KRTCAP3: variants seen among roughly 807,000 people sequenced by gnomAD.
KRTCAP3 encodes the protein keratinocyte associated protein 3.
A neutral mutation model predicts 20.5 loss-of-function variants in KRTCAP3; 18 were observed. The ratio of observed to expected loss-of-function variants is 0.88; its 90% CI spans 0.61 to 1.31. The LOEUF (loss-of-function observed/expected upper bound fraction) is 1.31. Ranked by LOEUF, KRTCAP3 falls within the 50% of genes most tolerant of loss-of-function variation. The probability of loss-of-function intolerance (pLI) is 0.00; values close to 1 mark genes in which losing one functional copy is unlikely to be tolerated. For missense variants in KRTCAP3, 347 were observed against 310.4 expected, an observed-to-expected ratio of 1.12 and a Z score of -0.89; for synonymous variants, 167 against 133.7, an observed-to-expected ratio of 1.25 and a Z score of -1.72.
At chr2:27,444,630 T>C (rs1664864802), downstream of KRTCAP3, 1 of 812,370 alleles carries the variant, frequency 1.2e-6, no homozygotes, top group African/African-American at 2.0e-5. Flanking sequence ...ATCCCACCCA[T>C]CTTTCTAGTG....
downstream of KRTCAP3, chr2:27,446,166 C>A: frequency 7.3e-7 from 1 of 1,374,700 alleles, no homozygotes; most frequent in Admixed American, 1.7e-5. Context: ...ATCAGCCCTA[C>A]ACTCAGCTTT....
At chr2:27,442,463 T>C in intron 1 of KRTCAP3, 23 bp downstream of exon 1, 1 of 1,565,062 alleles carries the variant, frequency 6.4e-7, no homozygotes, top group Non-Finnish European at 8.7e-7. Context: ...CCCTGGCGTC[T>C]CGTCTCCTTA....
In KRTCAP3 at chr2:27,443,136, C is replaced by G. The variant is rs142367012; in HGVS notation, c.336C>G (p.Gly112=). Reference sequence around the variant, plus strand: ...TCTTGTCCGTTGCCTGCTCCCTGGGCCTCCTTCTTGCTGTGTCACTCACTG... The same window carrying G: ...TCTTGTCCGTTGCCTGCTCCCTGGGGCTCCTTCTTGCTGTGTCACTCACTG... ...NLLLSVACSL[G]LLLAVSLTVA... The change falls in exon 4 of 7, where the codon GGC becomes GGG. Residue 112 remains glycine (G), a synonymous_variant. Coordinates refer to ENST00000288873, the MANE Select transcript of KRTCAP3 (RefSeq NM_173853.4). The G allele has an allele frequency of 2.5e-6, 4 of 1,614,134 alleles. No homozygotes were observed. The highest frequency in any genetic ancestry group is 3.4e-6 in the Non-Finnish European group (4 of 1,180,024).
downstream of KRTCAP3, chr2:27,444,956 T>C: frequency 6.3e-7 from 1 of 1,576,228 alleles, no homozygotes; most frequent in East Asian, 2.2e-5. Context: ...GACTTGTTTT[T>C]TTTTCTTTTT....
downstream of KRTCAP3, chr2:27,446,090 T>A: frequency 6.8e-7 from 1 of 1,475,420 alleles, no homozygotes; most frequent in Non-Finnish European, 9.5e-7. Context: ...TGGGCTTGAA[T>A]GCTATTTCTC....
In KRTCAP3 at chr2:27,442,417, G is replaced by A. The variant is rs766274814; in HGVS notation, c.5G>A (p.Arg2Lys). Residue 2 changes from arginine (R) to lysine (K), a missense_variant, in exon 1 of 7, where the codon AGG becomes AAG. Transcript: ENST00000288873. ...GCGGCTGGCGCGGCGGACGGGATGAGGCGCTGCAGTCTCTGCGCTTTCGGT... is the reference window on the plus strand; with the variant it reads ...GCGGCTGGCGCGGCGGACGGGATGAAGCGCTGCAGTCTCTGCGCTTTCGGT... M[R>K]RCSLCAFDAA... The A allele has an allele frequency of 3.5e-5, 54 of 1,562,504 alleles. No individual in the cohort carries two copies. The highest frequency in any genetic ancestry group is 4.2e-5 in the Non-Finnish European group (49 of 1,154,548).
downstream of KRTCAP3, chr2:27,446,180 C>T: frequency 6.9e-7 from 1 of 1,450,548 alleles, no homozygotes; most frequent in South Asian, 1.2e-5. Context: ...CAGCTTTCCT[C>T]TACCAGAGCA....
rs1199192365 is a variant in KRTCAP3, at chr2:27,444,055, AG to A, written c.*1del. The A allele has an allele frequency of 3.1e-6, 5 of 1,597,738 alleles. No individual in the cohort carries two copies. The Admixed American group carries it at 8.3e-5, about 27-fold the overall frequency. On this transcript the variant is annotated frameshift_variant and stop_lost, in exon 6 of 7. Transcript: ENST00000288873. LOFTEE classifies it low-confidence loss of function (END_TRUNC). ...EIRASQRSWV* is the reference protein window; with the variant it reads ...EIRASQRSWVX ...CGGGCATCACAGAGAAGTTGGGTTT[AG>A]GACAGGTAATGGGCCTTGAAGGTGG...
downstream of KRTCAP3, among the ~76,000 whole-genome samples, chr2:27,444,768 C>A (rs553900972): frequency 6.3e-4 from 96 of 152,292 alleles, no homozygotes; most frequent in South Asian, 0.019. Flanking sequence ...CTGCCTCAGC[C>A]TCCTGAGTAG....
At chr2:27,446,347 C>T, downstream of KRTCAP3, 3 of 1,614,198 alleles carry the variant, frequency 1.9e-6, no homozygotes, top group Non-Finnish European at 2.5e-6. Flanking sequence ...GCCTGGCAGC[C>T]ACGGTTTCCT....
chr2:27,445,095 A>C (rs1664934958), downstream of KRTCAP3: 1 of 1,613,934 alleles, frequency 6.2e-7, no homozygotes, highest in Non-Finnish European at 8.5e-7. The surrounding 1 kb of genome is among the most constrained non-coding windows in gnomAD (Gnocchi z 4.4). Flanking sequence ...TGTTCCTCAG[A>C]ATGGGGTATC....
chr2:27,445,025 T>G (rs146309780), downstream of KRTCAP3: 37 of 1,613,690 alleles, frequency 2.3e-5, no homozygotes, highest in Non-Finnish European at 3.1e-5. The surrounding 1 kb of genome is among the most constrained non-coding windows in gnomAD (Gnocchi z 4.4). Context: ...TTGATGGCCA[T>G]AAGGAATTTA....
chr2:27,444,115 C>G, intron 6 of KRTCAP3, 54 bp downstream of exon 6: 2 of 1,062,810 alleles, frequency 1.9e-6, no homozygotes, highest in Non-Finnish European at 1.5e-6. Context: ...AGGAAGTGCT[C>G]TTAGAACTGG....
At position 27,443,153 on chromosome 2, in the gene KRTCAP3, C is replaced by T. The variant is rs752819730; in HGVS notation, c.353C>T (p.Ser118Leu). The T allele has an allele frequency of 6.2e-7, 1 of 1,614,142 alleles. No individual in the cohort carries two copies. The highest frequency in any genetic ancestry group is 2.2e-5 in the East Asian group (1 of 44,882). The part of the protein sequence containing the change: ...ACSLGLLLAV[S>L]LTVANGGRRL... ...TCCCTGGGCCTCCTTCTTGCTGTGT[C>T]ACTCACTGTGGCCAACGGTGGCCGC... Residue 118 changes from serine (S) to leucine (L), a missense_variant, in exon 4 of 7, where the codon TCA becomes TTA. Transcript: ENST00000288873.
intron 4 of KRTCAP3, 27 bp downstream of exon 4, chr2:27,443,307 G>A (rs373531794): frequency 3.1e-6 from 5 of 1,613,558 alleles, no homozygotes; most frequent in East Asian, 2.2e-5. Flanking sequence ...CCTTCTTGTG[G>A]TCTACAAAGC....
At chr2:27,445,722 G>C, downstream of KRTCAP3, 2 of 1,613,786 alleles carry the variant, frequency 1.2e-6, no homozygotes, top group African/African-American at 1.3e-5. This position sits in a 1 kb window ranked among gnomAD's most constrained non-coding sequence, Gnocchi z 4.4. Flanking sequence ...AGGCCTTCCG[G>C]TTTTCCAACC....
chr2:27,442,404 G>C lies in KRTCAP3; in HGVS notation c.-9G>C. 1.3e-6 allele frequency: 2 copies of C among 1,553,288 alleles called. No homozygotes were observed. The highest frequency in any genetic ancestry group is 1.7e-6 in the Non-Finnish European group (2 of 1,150,100). The stretch of plus-strand genomic sequence containing the variant: ...GTACAGCGGCCCTGCGGCTGGCGCG[G>C]CGGACGGGATGAGGCGCTGCAGTCT... On this transcript the variant is annotated 5_prime_UTR_variant, in exon 1 of 7. Coordinates refer to ENST00000288873, the MANE Select transcript of KRTCAP3 (RefSeq NM_173853.4).
At chr2:27,445,155 G>A (rs1241187564), downstream of KRTCAP3, 3 of 1,607,466 alleles carry the variant, frequency 1.9e-6, no homozygotes, top group Non-Finnish European at 1.7e-6. This position sits in a 1 kb window ranked among gnomAD's most constrained non-coding sequence, Gnocchi z 4.4. Flanking sequence ...AGATTGAGGA[G>A]GGAAAAATGA....
At chr2:27,445,179 G>C, downstream of KRTCAP3, 1 of 1,598,340 alleles carries the variant, frequency 6.3e-7, no homozygotes, top group South Asian at 1.1e-5. The surrounding 1 kb of genome is among the most constrained non-coding windows in gnomAD (Gnocchi z 4.4). Flanking sequence ...GCAGCCTGGG[G>C]GGTAGAAAGC....
Sources: allele counts gnomAD v4.1 joint callset (sites outside exome capture counted in the v4.1 genomes callset), GRCh38; gene constraint gnomAD v4.1.1; non-coding constraint Gnocchi (gnomAD v3.1); transcripts MANE v1.5; gene names NCBI Gene and HGNC (gene_info 2026-07-23, HGNC 2026-07-21).